The following PTPRG variants were observed in gnomAD, a reference collection of about 807,000 sequenced individuals.
PTPRG encodes the protein protein tyrosine phosphatase receptor type G, also known as receptor-type tyrosine-protein phosphatase gamma.
A neutral mutation model predicts 165.3 loss-of-function variants in PTPRG; 102 were observed. The observed-to-expected ratio is 0.62, with a 90% CI of 0.53 to 0.73. The LOEUF (loss-of-function observed/expected upper bound fraction) is 0.73. Among genes scored for constraint, PTPRG ranks in the 30% least tolerant of loss-of-function variants. The pLI is 0.00. For synonymous variants in PTPRG, 675 were observed against 669.5 expected (o/e 1.01, Z -0.13); for missense variants, 1,866 against 1,861.4 (o/e 1.00, Z -0.05).
At chr3:61,862,838 T>C (rs952476724) in intron 2 of PTPRG, among the ~76,000 whole-genome samples, 7 of 152,200 alleles carry the variant, frequency 4.6e-5, no homozygotes, top group African/African-American at 1.7e-4. Flanking sequence ...GCCTACTTAG[T>C]ATATCTGCAA....
At chr3:62,290,557 C>T (rs778629648) in intron 28 of PTPRG, among the ~76,000 whole-genome samples, 1 of 152,016 alleles carries the variant, frequency 6.6e-6, no homozygotes, top group African/African-American at 2.4e-5. Flanking sequence ...TTGGGATACA[C>T]GTGGGGAGGT....
At chr3:62,131,944 G>C (rs1309760535) in intron 5 of PTPRG, among the ~76,000 whole-genome samples, 1 of 152,184 alleles carries the variant, frequency 6.6e-6, no homozygotes, top group East Asian at 1.9e-4. Context: ...TCTAGAATGG[G>C]CAAGAATGAG....
At chr3:61,716,824 T>C (rs1322021547) in intron 1 of PTPRG, among the ~76,000 whole-genome samples, 1 of 152,060 alleles carries the variant, frequency 6.6e-6, no homozygotes, top group African/African-American at 2.4e-5. Flanking sequence ...CTACAAAAAT[T>C]AGCTGGGTGC....
intron 2 of PTPRG, among the ~76,000 whole-genome samples, chr3:61,777,534 G>A (rs1175039513): frequency 4.6e-5 from 7 of 152,178 alleles, no homozygotes; most frequent in Non-Finnish European, 1.0e-4. Context: ...CGGTACTGCA[G>A]AGAGATCAAC....
intron 2 of PTPRG, among the ~76,000 whole-genome samples, chr3:61,967,537 A>T (rs2040297850): frequency 6.6e-6 from 1 of 152,182 alleles, no homozygotes; most frequent in Non-Finnish European, 1.5e-5. Flanking sequence ...TATTAACTGC[A>T]TTTTAGATGT....
intron 4 of PTPRG, among the ~76,000 whole-genome samples, chr3:62,054,232 T>C (rs1328310765): frequency 6.6e-6 from 1 of 152,218 alleles, no homozygotes; most frequent in Admixed American, 6.5e-5. Context: ...ATAGCTCCAA[T>C]AGGAGGACAA....
intron 4 of PTPRG, among the ~76,000 whole-genome samples, chr3:62,074,176 T>TGA (rs1222523078): frequency 1.3e-4 from 10 of 77,066 alleles, no homozygotes; most frequent in South Asian, 1.1e-3. Context: ...GGAAAAAAAG[T>TGA]GAGAGTGTGT....
chr3:62,044,362 A>C (rs1410670026), intron 4 of PTPRG, among the ~76,000 whole-genome samples: 1 of 152,164 alleles, frequency 6.6e-6, no homozygotes, highest in African/African-American at 2.4e-5. Flanking sequence ...AATATGGTGA[A>C]ACCCCGTCTC....
chr3:62,226,367 T>C (rs1284423138), intron 13 of PTPRG, among the ~76,000 whole-genome samples: 1 of 152,256 alleles, frequency 6.6e-6, no homozygotes, highest in Non-Finnish European at 1.5e-5. Context: ...AATCATCCTT[T>C]GTTTTGGATT....
At chr3:61,838,950 C>G (rs1409490500) in intron 2 of PTPRG, among the ~76,000 whole-genome samples, 1 of 152,060 alleles carries the variant, frequency 6.6e-6, no homozygotes, top group Non-Finnish European at 1.5e-5. Flanking sequence ...TTTAAGTGAA[C>G]AATAGTGTGA....
At chr3:62,269,549 A>T (rs897124215) in intron 20 of PTPRG, among the ~76,000 whole-genome samples, 1 of 152,204 alleles carries the variant, frequency 6.6e-6, no homozygotes, top group Non-Finnish European at 1.5e-5. Context: ...CTTGTCCTGT[A>T]AGATTCTTGT....
chr3:62,106,910 G>T (rs1702493185), intron 5 of PTPRG, among the ~76,000 whole-genome samples: 1 of 152,168 alleles, frequency 6.6e-6, no homozygotes, highest in East Asian at 1.9e-4. Flanking sequence ...TCCATAGGAA[G>T]AATATAATGA....
At chr3:62,175,019 C>G (rs1278215786) in intron 8 of PTPRG, among the ~76,000 whole-genome samples, 1 of 152,112 alleles carries the variant, frequency 6.6e-6, no homozygotes, top group Admixed American at 6.6e-5. Flanking sequence ...AGGTCTGTTT[C>G]AAGACCCTTG....
chr3:61,866,855 C>T (rs576965815), intron 2 of PTPRG, among the ~76,000 whole-genome samples: 1 of 152,140 alleles, frequency 6.6e-6, no homozygotes, highest in Admixed American at 6.5e-5. Flanking sequence ...CCTTGGCCTG[C>T]CAAAGTGCTG....
rs533468633 is a variant in PTPRG at position 61,637,110 on chromosome 3, A to G, written c.85+74738A>G. On this transcript the variant is annotated intron_variant, in intron 1 of 29. Coordinates refer to ENST00000474889, the MANE Select transcript of PTPRG (RefSeq NM_002841.4). Reference sequence around the variant, plus strand: ...TTCTCTTAGCCATTGTTCTGTGTGGAGTTGGCGGACTAACACATTTTTATA... The same window carrying G: ...TTCTCTTAGCCATTGTTCTGTGTGGGGTTGGCGGACTAACACATTTTTATA... Among the ~76,000 whole-genome samples the G allele has an allele frequency of 2.6e-5, 4 of 152,250 alleles. No individual in the cohort carries two copies. The East Asian group carries it at 7.7e-4, about 29-fold the overall frequency.
At chr3:62,179,164 T>G (rs1160346842) in intron 8 of PTPRG, among the ~76,000 whole-genome samples, 1 of 152,142 alleles carries the variant, frequency 6.6e-6, no homozygotes. Flanking sequence ...TAAGAAACAG[T>G]CTCATCTCCC....
rs371710484 is a variant in PTPRG, at chr3:61,667,554, A to G, written c.86-81324A>G. Among the ~76,000 whole-genome samples, 242 of 152,272 alleles carry G rather than the reference A, an allele frequency of 1.6e-3. 1 individual carries two copies. Among genetic ancestry groups the G allele is most frequent in the African/African-American group, 5.5e-3 (227 of 41,576 alleles). Reference sequence around the variant, plus strand: ...TTCACTTGCTTCTCAGAACAGTTCTATGAGGGAGGCTCTATTAGGCCTGAC... The same window carrying G: ...TTCACTTGCTTCTCAGAACAGTTCTGTGAGGGAGGCTCTATTAGGCCTGAC... On this transcript the variant is annotated intron_variant, in intron 1 of 29. Transcript: ENST00000474889.
At chr3:61,654,447 C>T (rs1046634583) in intron 1 of PTPRG, among the ~76,000 whole-genome samples, 1 of 152,048 alleles carries the variant, frequency 6.6e-6, no homozygotes, top group Non-Finnish European at 1.5e-5. Context: ...TGCAGTGGTG[C>T]AGTCTCAGCT....
chr3:62,229,362 A>G lies in PTPRG; in HGVS notation c.2289-1863A>G, dbSNP rs1261101839. Among the ~76,000 whole-genome samples the G allele has an allele frequency of 6.6e-6, 1 of 152,224 alleles. No individual in the cohort carries two copies. The highest frequency in any genetic ancestry group is 2.4e-5 in the African/African-American group (1 of 41,462). ...CCAAATGGCTACTCAGGGGCCTTTC[A>G]GAATTCACGAGAGCTGTCAGTTGTT... On this transcript the variant is annotated intron_variant, in intron 13 of 29. Transcript: ENST00000474889. The surrounding 1 kb of genome is among the most constrained non-coding windows in gnomAD (Gnocchi z 4.6).
Sources: gnomAD v4.1 joint callset for allele counts (sites outside exome capture counted in the v4.1 genomes callset) on GRCh38, gnomAD v4.1.1 for gene constraint, Gnocchi (gnomAD v3.1) non-coding constraint, MANE v1.5 for transcripts, NCBI Gene and HGNC (gene_info 2026-07-23, HGNC 2026-07-21) for gene names.